The following STIM2 variants were observed in gnomAD, a reference collection of about 807,000 sequenced individuals.
STIM2 encodes the protein stromal interaction molecule 2.
In STIM2, 31 loss-of-function variants were observed where a neutral mutation model predicts 85.8. The ratio of observed to expected loss-of-function variants is 0.36; its 90% CI spans 0.27 to 0.49. The LOEUF is 0.49. STIM2 is among the 20% of genes least tolerant of loss of function. The probability of loss-of-function intolerance (pLI) is 0.98; values close to 1 mark genes in which losing one functional copy is unlikely to be tolerated. For synonymous variants in STIM2, 356 were observed against 331.1 expected, an observed-to-expected ratio of 1.08 and a Z score of -0.82; for missense variants, 841 against 927.6, an observed-to-expected ratio of 0.91 and a Z score of 1.21.
At chr4:26,878,347 T>G (rs1034830729) in intron 1 of STIM2, among the ~76,000 whole-genome samples, 1 of 152,126 alleles carries the variant, frequency 6.6e-6, no homozygotes, top group African/African-American at 2.4e-5. Context: ...AGGTAGTACT[T>G]GGGACAGAGA....
At chr4:26,869,113 G>A (rs1335011586) in intron 1 of STIM2, among the ~76,000 whole-genome samples, 1 of 151,884 alleles carries the variant, frequency 6.6e-6, no homozygotes, top group Non-Finnish European at 1.5e-5. Flanking sequence ...TGGGCAACAC[G>A]GTGAAATCCC....
intron 1 of STIM2, among the ~76,000 whole-genome samples, chr4:26,871,538 A>G (rs771901111): frequency 1.3e-5 from 2 of 152,186 alleles, no homozygotes; most frequent in Admixed American, 1.3e-4. Context: ...CCTTTTTAAA[A>G]TTAAACTTTG....
At chr4:27,000,243 A>G (rs1728103645) in intron 5 of STIM2, among the ~76,000 whole-genome samples, 1 of 152,270 alleles carries the variant, frequency 6.6e-6, no homozygotes. Flanking sequence ...AATAGATTTT[A>G]TGACTTTACT....
chr4:26,966,730 T>C (rs1386758400), intron 3 of STIM2, among the ~76,000 whole-genome samples: 3 of 152,120 alleles, frequency 2.0e-5, no homozygotes, highest in African/African-American at 4.8e-5. Flanking sequence ...ATATTACATA[T>C]ATAAATGTAT....
intron 1 of STIM2, among the ~76,000 whole-genome samples, chr4:26,889,147 C>T (rs576361966): frequency 1.1e-4 from 17 of 152,310 alleles, no homozygotes; most frequent in South Asian, 2.1e-4. Context: ...TTATTTCTCT[C>T]TCTGGATTCT....
intron 3 of STIM2, among the ~76,000 whole-genome samples, chr4:26,976,765 C>T (rs1439137952): frequency 6.6e-6 from 1 of 152,240 alleles, no homozygotes; most frequent in East Asian, 1.9e-4. Flanking sequence ...GATCATAACA[C>T]TGCACTCCAG....
intron 3 of STIM2, among the ~76,000 whole-genome samples, chr4:26,983,772 A>G (rs147922328): frequency 8.5e-5 from 13 of 152,344 alleles, no homozygotes; most frequent in Admixed American, 3.9e-4. Flanking sequence ...TCTAAAAGTT[A>G]ATGCATTTCT....
Position 27,007,546 on chromosome 4 carries a change from T to G in STIM2, c.995T>G (p.Leu332Arg). 6.4e-7 allele frequency: 1 copy of G among 1,555,752 alleles called. No individual in the cohort carries two copies. The highest frequency in any genetic ancestry group is 8.7e-7 in the Non-Finnish European group (1 of 1,150,204). The change falls in exon 8 of 12, where the codon CTG becomes CGG. Residue 332 changes from leucine to arginine, a missense_variant. Around this residue, in one of 3 missense-constraint regions of STIM2, gnomAD observed 408 missense variants for 525.4 expected, o/e 0.78. Coordinates refer to ENST00000467087, the MANE Select transcript of STIM2 (RefSeq NM_020860.4). ...TCCTTCTTCTAGGTTCGCATGGCTC[T>G]GAAAAAGGCCGAAAAAGAATTTGAA...
At chr4:27,008,712 C>G in intron 9 of STIM2, 52 bp from the exon 10 acceptor site, 1 of 1,551,894 alleles carries the variant, frequency 6.4e-7, no homozygotes, top group Admixed American at 1.7e-5. Flanking sequence ...TTTTCAGTGC[C>G]ATATTAAAGA....
intron 2 of STIM2, among the ~76,000 whole-genome samples, chr4:26,920,788 C>T (rs1577438501): frequency 6.6e-6 from 1 of 152,262 alleles, no homozygotes; most frequent in African/African-American, 2.4e-5. Context: ...TTTTAGAGGG[C>T]TCTTACTGTT....
At chr4:26,875,466 A>T (rs1486391325) in intron 1 of STIM2, among the ~76,000 whole-genome samples, 1 of 152,184 alleles carries the variant, frequency 6.6e-6, no homozygotes, top group East Asian at 1.9e-4. Flanking sequence ...TGATAGATTC[A>T]TCATAAGCCC....
rs547144715 is a variant in STIM2 at position 26,995,464 on chromosome 4, C to T, written c.483C>T (p.Asn161=). 2.5e-6 allele frequency: 4 copies of T among 1,600,386 alleles called. No homozygotes were observed. In the African/African-American group the frequency reaches 5.4e-5, roughly 22 times the overall value. Residue 161 remains asparagine, a synonymous_variant, in exon 4 of 12, where the codon AAC becomes AAT. Coordinates refer to ENST00000467087, the MANE Select transcript of STIM2 (RefSeq NM_020860.4). ...AATATGAGAAGAATTTTAGAGACAA[C>T]AATGTCAAAGGAACGACACTTCCCA...
intron 10 of STIM2, among the ~76,000 whole-genome samples, chr4:27,012,125 A>G (rs1462130527): frequency 1.3e-5 from 2 of 152,054 alleles, no homozygotes; most frequent in African/African-American, 4.8e-5. Context: ...CCATAGATAC[A>G]TAAGTGCTCC....
intron 3 of STIM2, among the ~76,000 whole-genome samples, chr4:26,971,074 A>C (rs1351586437): frequency 1.3e-5 from 2 of 151,998 alleles, no homozygotes; most frequent in African/African-American, 4.8e-5. Context: ...TCCTTTGCCC[A>C]CTTTTTGATG....
chr4:26,898,321 C>T (rs971698278), intron 1 of STIM2, among the ~76,000 whole-genome samples: 13 of 152,100 alleles, frequency 8.5e-5, no homozygotes, highest in Non-Finnish European at 1.6e-4. Flanking sequence ...AAGAATACCT[C>T]GTAGAAGTAC....
chr4:27,010,962 T>A (rs1728535424), intron 10 of STIM2, among the ~76,000 whole-genome samples: 1 of 152,214 alleles, frequency 6.6e-6, no homozygotes, highest in Non-Finnish European at 1.5e-5. Flanking sequence ...TAACAATTTA[T>A]TTAAACTTTC....
chr4:26,967,745 A>G (rs184321920), intron 3 of STIM2, among the ~76,000 whole-genome samples: 2 of 152,274 alleles, frequency 1.3e-5, no homozygotes, highest in Admixed American at 1.3e-4. Context: ...GTCCAGCGAC[A>G]TCTTTCATCT....
intron 4 of STIM2, 92 bp downstream of exon 4, chr4:26,995,582 T>C: frequency 1.3e-5 from 8 of 619,390 alleles, no homozygotes; most frequent in Non-Finnish European, 2.1e-5. Flanking sequence ...GTTACTTCCG[T>C]GGCTGAGGGC....
chr4:26,888,418 A>ATTAATATATC, intron 1 of STIM2, among the ~76,000 whole-genome samples: 1 of 152,380 alleles, frequency 6.6e-6, no homozygotes, highest in Non-Finnish European at 1.5e-5. Flanking sequence ...GTTAGCTATT[A>ATTAATATATC]TTAATATATC....
Sources: gnomAD v4.1 joint callset for allele counts (sites outside exome capture counted in the v4.1 genomes callset) on GRCh38, gnomAD v4.1.1 for gene constraint, gnomAD v4.1.1 regional missense constraint, MANE v1.5 for transcripts, NCBI Gene and HGNC (gene_info 2026-07-23, HGNC 2026-07-21) for gene names.